Variants in TAFA4 observed in about 807,000 individuals in gnomAD.
TAFA4 encodes chemokine-like protein TAFA-4.
Under a neutral mutation model 21.1 loss-of-function variants are expected in TAFA4, and 20 were observed. The ratio of observed to expected loss-of-function variants is 0.95; its 90% confidence interval spans 0.67 to 1.38. TAFA4 has a LOEUF of 1.38. TAFA4 is among the 40% of genes most tolerant of loss of function. The pLI, the probability that TAFA4 is intolerant of heterozygous loss-of-function variation, is 0.00. For synonymous variants in TAFA4, 71 were observed against 67.4 expected, an observed-to-expected ratio of 1.05 and a Z score of -0.26; for missense variants, 211 against 180.9, an observed-to-expected ratio of 1.17 and a Z score of -0.95.
chr3:68,825,189 T>C (rs566126492), intron 3 of TAFA4, among the ~76,000 whole-genome samples: 4 of 152,178 alleles, frequency 2.6e-5, no homozygotes, highest in Non-Finnish European at 5.9e-5. Context: ...TCTCTTCTCA[T>C]TGTTCATCTC....
At chr3:68,907,586 TC>T (rs2089916270) in intron 1 of TAFA4, among the ~76,000 whole-genome samples, 1 of 152,162 alleles carries the variant, frequency 6.6e-6, no homozygotes, top group Admixed American at 6.5e-5. Context: ...GCATCTGTGT[TC>T]CCTCAAGATA....
chr3:68,745,074 ACAC>A (rs561171911), intron 4 of TAFA4, among the ~76,000 whole-genome samples: 1 of 152,190 alleles, frequency 6.6e-6, no homozygotes, highest in Non-Finnish European at 1.5e-5. Context: ...GTAGAAGGAA[ACAC>A]CACAATAATC....
chr3:68,835,440 T>G (rs919397085), intron 3 of TAFA4, among the ~76,000 whole-genome samples: 2 of 152,232 alleles, frequency 1.3e-5, no homozygotes, highest in Admixed American at 1.3e-4. Context: ...ATGAACGACG[T>G]AGAAGTATAT....
chr3:68,810,903 C>G (rs879637405), intron 3 of TAFA4, among the ~76,000 whole-genome samples: 6 of 152,156 alleles, frequency 3.9e-5, no homozygotes, highest in Admixed American at 6.5e-5. Context: ...CCCGAGTAGC[C>G]TAACTGGGAG....
chr3:68,756,103 T>C (rs998535600), intron 3 of TAFA4, among the ~76,000 whole-genome samples: 14 of 152,164 alleles, frequency 9.2e-5, no homozygotes, highest in Non-Finnish European at 1.5e-4. Context: ...CACTCCCAGA[T>C]TGCTGGTGTG....
At chr3:68,896,323 G>A (rs1575662588) in intron 1 of TAFA4, among the ~76,000 whole-genome samples, 1 of 152,174 alleles carries the variant, frequency 6.6e-6, no homozygotes, top group African/African-American at 2.4e-5. Flanking sequence ...ATGTCCTGAT[G>A]TGGGGGCAGG....
intron 2 of TAFA4, among the ~76,000 whole-genome samples, chr3:68,883,538 C>A (rs753285566): frequency 6.6e-6 from 1 of 152,154 alleles, no homozygotes. Context: ...AACCACAATG[C>A]CACCCACACT....
At chr3:68,797,140 C>T (rs1459405491) in intron 3 of TAFA4, among the ~76,000 whole-genome samples, 1 of 152,182 alleles carries the variant, frequency 6.6e-6, no homozygotes, top group Non-Finnish European at 1.5e-5. Flanking sequence ...GGTAATCCCA[C>T]TTCTGGATAT....
chr3:68,914,095 C>G (rs941791205), intron 1 of TAFA4, among the ~76,000 whole-genome samples: 2 of 152,102 alleles, frequency 1.3e-5, no homozygotes, highest in African/African-American at 4.8e-5. Context: ...TTCACAGAAG[C>G]TTTATTTCCC....
In TAFA4 at chr3:68,777,249, C is replaced by T. The variant is rs575595146; in HGVS notation, c.131-24231G>A. Among the ~76,000 whole-genome samples the T allele has an allele frequency of 4.6e-5, 7 of 151,972 alleles. No homozygotes were observed. In the South Asian group the frequency reaches 6.2e-4, roughly 14 times the overall value. On this transcript the variant is annotated intron_variant, in intron 3 of 5. Transcript: ENST00000295569. Reference sequence around the variant, plus strand: ...AGAGGCATGAAACAAAAGCACACTGCGGGAACATATTTATGATATACATAA... The same window carrying T: ...AGAGGCATGAAACAAAAGCACACTGTGGGAACATATTTATGATATACATAA...
intron 1 of TAFA4, among the ~76,000 whole-genome samples, chr3:68,908,043 CTATGGT>C (rs2106998477): frequency 6.6e-6 from 1 of 152,252 alleles, no homozygotes; most frequent in African/African-American, 2.4e-5. Flanking sequence ...CAAGAGATTA[CTATGGT>C]TATAAAATCT....
At position 68,797,356 on chromosome 3, in the gene TAFA4, G is replaced by A. The variant is rs1192609708; in HGVS notation, c.131-44338C>T. On this transcript the variant is annotated intron_variant, in intron 3 of 5. Coordinates refer to ENST00000295569, the MANE Select transcript of TAFA4 (RefSeq NM_182522.5). ...GGGCCAGGTGTGGTGGCTCACACCT[G>A]TAATCCCAGCACTTTGGGAGGCTGA... is the stretch of plus-strand genomic sequence containing the variant. Among the ~76,000 whole-genome samples the A allele has an allele frequency of 2.0e-5, 3 of 152,132 alleles. 1 individual carries two copies. The highest frequency in any genetic ancestry group is 2.0e-4 in the Admixed American group (3 of 15,278).
intron 1 of TAFA4, among the ~76,000 whole-genome samples, chr3:68,921,079 G>A (rs980382290): frequency 5.9e-5 from 9 of 152,112 alleles, no homozygotes; most frequent in African/African-American, 2.2e-4. Flanking sequence ...GATGACCAAT[G>A]TGAAAACCTG....
intron 3 of TAFA4, among the ~76,000 whole-genome samples, chr3:68,845,547 T>G (rs1372432253): frequency 1.3e-5 from 2 of 152,334 alleles, no homozygotes; most frequent in East Asian, 3.9e-4. Flanking sequence ...ATGTGTGAAT[T>G]TGATGCTGTC....
chr3:68,847,376 C>G (rs1704830634), intron 3 of TAFA4, among the ~76,000 whole-genome samples: 1 of 152,250 alleles, frequency 6.6e-6, no homozygotes, highest in African/African-American at 2.4e-5. Flanking sequence ...TGCCACCAGG[C>G]TTGAGCATCC....
chr3:68,813,903 G>T (rs1361104429), intron 3 of TAFA4, among the ~76,000 whole-genome samples: 1 of 152,070 alleles, frequency 6.6e-6, no homozygotes, highest in Non-Finnish European at 1.5e-5. Flanking sequence ...TGAACATCGA[G>T]GCAAAAATCC....
chr3:68,919,043 G>A (rs923446988), intron 1 of TAFA4, among the ~76,000 whole-genome samples: 1 of 152,202 alleles, frequency 6.6e-6, no homozygotes, highest in African/African-American at 2.4e-5. Flanking sequence ...CACTTAGTAG[G>A]CCTTCAATTC....
At chr3:68,930,669 G>A (rs978619505) in intron 1 of TAFA4, among the ~76,000 whole-genome samples, 1 of 152,190 alleles carries the variant, frequency 6.6e-6, no homozygotes, top group Non-Finnish European at 1.5e-5. Flanking sequence ...ATTTTGGGAG[G>A]ACACAAGTCA....
chr3:68,761,688 G>A (rs180935665), intron 3 of TAFA4, among the ~76,000 whole-genome samples: 2 of 152,328 alleles, frequency 1.3e-5, no homozygotes, highest in Non-Finnish European at 2.9e-5. Flanking sequence ...GACTTAATGT[G>A]ACATATATTT....
Sources: allele counts gnomAD v4.1 joint callset (sites outside exome capture counted in the v4.1 genomes callset), GRCh38; gene constraint gnomAD v4.1.1; transcripts MANE v1.5; gene names NCBI Gene and HGNC (gene_info 2026-07-23, HGNC 2026-07-21).